Variants in GGACT observed in about 807,000 individuals in gnomAD.
GGACT encodes gamma-glutamylaminecyclotransferase.
For synonymous variants in GGACT, 118 were observed against 115.3 expected, an observed-to-expected ratio of 1.02 and a Z score of -0.15; for missense variants, 241 against 233.2, an observed-to-expected ratio of 1.03 and a Z score of -0.22.
intron 2 of GGACT, among the ~76,000 whole-genome samples, chr13:100,540,710 T>C (rs117164095): frequency 0.011 from 1,750 of 152,356 alleles, 17 homozygotes; most frequent in Non-Finnish European, 0.017. Context: ...CCTTGTACTC[T>C]TGTTCCTTGT....
At chr13:100,552,219 C>T (rs966284789) in intron 2 of GGACT, among the ~76,000 whole-genome samples, 9 of 152,196 alleles carry the variant, frequency 5.9e-5, no homozygotes, top group Non-Finnish European at 1.3e-4. Context: ...ATTTTGTTCT[C>T]TCCTGGGGAA....
Position 100,532,033 on chromosome 13 carries a change from A to T in GGACT, c.*97T>A. On this transcript the variant is annotated 3_prime_UTR_variant, in exon 3 of 3. Coordinates refer to ENST00000683975, the MANE Select transcript of GGACT (RefSeq NM_001195087.2). ...GGTTCCTTTCCGGCAGATTCATTGGAAAGGGCCCTGTTCGGCTTCCGCCTT... is the reference window on the plus strand; with the variant it reads ...GGTTCCTTTCCGGCAGATTCATTGGTAAGGGCCCTGTTCGGCTTCCGCCTT... The T allele has an allele frequency of 3.8e-6, 3 of 797,876 alleles. No homozygotes were observed. Among genetic ancestry groups the T allele is most frequent in the Non-Finnish European group, 5.4e-6 (3 of 557,968 alleles). The allele number at this position is 797,876 out of a possible 1,614,324, so 49.4% of individuals were successfully genotyped here.
chr13:100,570,359 G>C (rs774564367), intron 2 of GGACT, among the ~76,000 whole-genome samples: 1 of 152,120 alleles, frequency 6.6e-6, no homozygotes, highest in African/African-American at 2.4e-5. Flanking sequence ...TGGCGGAAGG[G>C]GAAGCAAACA....
At chr13:100,585,876 TGC>T (rs1198182112) in intron 1 of GGACT, among the ~76,000 whole-genome samples, 2 of 129,946 alleles carry the variant, frequency 1.5e-5, no homozygotes, top group East Asian at 4.6e-4. Context: ...TTGTGGCACA[TGC>T]CTGTAATCCC....
At chr13:100,588,094 G>T (rs1386101447) in intron 1 of GGACT, among the ~76,000 whole-genome samples, 1 of 152,208 alleles carries the variant, frequency 6.6e-6, no homozygotes, top group East Asian at 1.9e-4. Context: ...ACTAAGCGTG[G>T]AGTTAAGAAG....
At chr13:100,559,709 G>A (rs928119692) in intron 2 of GGACT, among the ~76,000 whole-genome samples, 3 of 152,004 alleles carry the variant, frequency 2.0e-5, no homozygotes, top group Admixed American at 2.0e-4. Flanking sequence ...TGGCCAGGCT[G>A]GTCTCCAACT....
intron 2 of GGACT, among the ~76,000 whole-genome samples, chr13:100,568,373 G>GT (rs1430675313): frequency 6.6e-6 from 1 of 152,236 alleles, no homozygotes; most frequent in East Asian, 1.9e-4. Context: ...GGCAGAAGGG[G>GT]AACCAAACAT....
intron 1 of GGACT, chr13:100,586,571 T>C (rs1353240905): frequency 6.6e-6 from 1 of 151,188 alleles, no homozygotes; most frequent in Non-Finnish European, 1.5e-5. Flanking sequence ...TTCAGCTTCT[T>C]ATTTTTGCTC....
chr13:100,585,267 C>T (rs1359197415), intron 1 of GGACT, among the ~76,000 whole-genome samples: 2 of 152,224 alleles, frequency 1.3e-5, no homozygotes, highest in African/African-American at 4.8e-5. Flanking sequence ...TAAGTCCAGC[C>T]TGTGGGTGGA....
At chr13:100,571,381 A>G (rs1369344934) in intron 2 of GGACT, among the ~76,000 whole-genome samples, 1 of 152,276 alleles carries the variant, frequency 6.6e-6, no homozygotes, top group Admixed American at 6.5e-5. Flanking sequence ...TAGAAGTGCC[A>G]TTCTTTGATA....
At chr13:100,562,449 G>A (rs2088771728) in intron 2 of GGACT, among the ~76,000 whole-genome samples, 1 of 152,108 alleles carries the variant, frequency 6.6e-6, no homozygotes, top group Non-Finnish European at 1.5e-5. Context: ...GCACTCAGAG[G>A]ACACTGGGAC....
Position 100,550,417 on chromosome 13 carries a change from T to TACGC in GGACT, c.-10-17817_-10-17816insGCGT, listed in dbSNP as rs1488183781. ...AATTAAATCCGAGCCGATTATACTC[T>TACGC]ACACACACACACACACACACACACA... On this transcript the variant is annotated intron_variant, in intron 2 of 2. Transcript: ENST00000683975. Among the ~76,000 whole-genome samples the TACGC allele has an allele frequency of 9.7e-5, 7 of 72,514 alleles. 2 individuals are homozygous for TACGC. The highest frequency in any genetic ancestry group is 5.7e-4 in the African/African-American group (7 of 12,194). The allele number at this position is 72,514 out of a possible 152,430, so 47.6% of individuals were successfully genotyped here.
intron 2 of GGACT, among the ~76,000 whole-genome samples, chr13:100,579,510 G>A (rs1033037854): frequency 1.3e-5 from 2 of 152,042 alleles, no homozygotes; most frequent in East Asian, 3.9e-4. Context: ...CTACTCTCTA[G>A]CCTTCCCCAT....
intron 2 of GGACT, among the ~76,000 whole-genome samples, chr13:100,553,227 G>A (rs1363906179): frequency 6.6e-6 from 1 of 152,048 alleles, no homozygotes; most frequent in East Asian, 2.0e-4. Flanking sequence ...AGACTGCGTG[G>A]CAGTTTTAGG....
intron 2 of GGACT, among the ~76,000 whole-genome samples, chr13:100,555,175 T>C (rs2088700047): frequency 6.6e-6 from 1 of 152,206 alleles, no homozygotes; most frequent in Non-Finnish European, 1.5e-5. Context: ...GGAGCACTTC[T>C]CAACTCCTTT....
intron 2 of GGACT, among the ~76,000 whole-genome samples, chr13:100,552,060 A>G (rs542031365): frequency 6.6e-6 from 1 of 152,330 alleles, no homozygotes; most frequent in South Asian, 2.1e-4. Context: ...TCTCCCAGCC[A>G]TGTGCAGGGC....
chr13:100,588,605 G>A (rs1309596296), intron 1 of GGACT, 136 bp downstream of exon 1: 1 of 151,800 alleles, frequency 6.6e-6, no homozygotes, highest in Non-Finnish European at 1.5e-5. Context: ...CTCACCCGCG[G>A]GGACGCCGAG....
intron 2 of GGACT, among the ~76,000 whole-genome samples, chr13:100,579,833 T>C (rs920965895): frequency 1.6e-4 from 24 of 152,236 alleles, no homozygotes; most frequent in African/African-American, 5.8e-4. Flanking sequence ...CACGTTTTGC[T>C]TTTCTATTGT....
At position 100,554,298 on chromosome 13, in the gene GGACT, A is replaced by T. The variant is rs117214193; in HGVS notation, c.-10-21697T>A. On this transcript the variant is annotated intron_variant, in intron 2 of 2. Transcript: ENST00000683975. ...TCATTTAGTCCTCTCAGATTGAAAA[A>T]ACTCCTATTGCAGAAAAGTTAAATG... Among the ~76,000 whole-genome samples the T allele has an allele frequency of 2.1e-3, 326 of 152,232 alleles. 13 individuals are homozygous for T. The East Asian group carries it at 0.04, about 19-fold the overall frequency.
Sources: gnomAD v4.1 joint callset for allele counts (sites outside exome capture counted in the v4.1 genomes callset) on GRCh38, gnomAD v4.1.1 for gene constraint, MANE v1.5 for transcripts, NCBI Gene and HGNC (gene_info 2026-07-23, HGNC 2026-07-21) for gene names.